The following DNAH6 variants were observed in gnomAD, a reference collection of about 807,000 sequenced individuals.
The protein encoded by DNAH6 is axonemal beta dynein heavy chain 6.
Under a neutral mutation model 491.4 loss-of-function variants are expected in DNAH6, and 340 were observed. That is an observed-to-expected ratio of 0.69 (90% CI 0.63 to 0.76). The LOEUF is 0.76. DNAH6 is among the 30% of genes least tolerant of loss of function. The pLI is 0.00. For synonymous variants in DNAH6, 1,603 were observed against 1,686.1 expected, an observed-to-expected ratio of 0.95 and a Z score of 1.21; for missense variants, 4,443 against 4,972.2, an observed-to-expected ratio of 0.89 and a Z score of 3.20.
At chr2:84,610,241 A>G (rs985827419) in intron 21 of DNAH6, among the ~76,000 whole-genome samples, 7 of 152,198 alleles carry the variant, frequency 4.6e-5, no homozygotes, top group Non-Finnish European at 8.8e-5. Context: ...CTTCCCCAAC[A>G]TGACCATTGG....
At chr2:84,764,873 T>G (rs1479782417) in intron 64 of DNAH6, among the ~76,000 whole-genome samples, 1 of 152,108 alleles carries the variant, frequency 6.6e-6, no homozygotes, top group Non-Finnish European at 1.5e-5. Flanking sequence ...CTACTGTGAA[T>G]AGTGTCAAGA....
intron 62 of DNAH6, among the ~76,000 whole-genome samples, chr2:84,737,456 T>G (rs1180021748): frequency 6.6e-6 from 1 of 151,924 alleles, no homozygotes; most frequent in Non-Finnish European, 1.5e-5. Flanking sequence ...GGCTTTTTTT[T>G]CCGTTAGTTG....
intron 11 of DNAH6, among the ~76,000 whole-genome samples, chr2:84,564,185 T>C (rs1473042795): frequency 1.3e-5 from 2 of 152,332 alleles, no homozygotes; most frequent in East Asian, 3.9e-4. Context: ...GTTGGCTCTT[T>C]TTTGGTTCCA....
At chr2:84,603,688 G>A (rs1685485100) in intron 18 of DNAH6, among the ~76,000 whole-genome samples, 1 of 152,018 alleles carries the variant, frequency 6.6e-6, no homozygotes, top group South Asian at 2.1e-4. Flanking sequence ...CTCCCTCAAG[G>A]GTAAATTGTT....
chr2:84,685,439 C>A lies in DNAH6; in HGVS notation c.7030C>A (p.His2344Asn), dbSNP rs777074808. The A allele has an allele frequency of 6.0e-6, 9 of 1,504,222 alleles. No individual in the cohort carries two copies. In the South Asian group the frequency reaches 1.2e-4, roughly 20 times the overall value. 93.2% of individuals were successfully genotyped at this position (1,504,222 alleles called of 1,614,324 possible). A position where few individuals can be genotyped will look rare whatever the true frequency, so the allele number is the denominator to read the frequency against. Residue 2344 changes from histidine (H) to asparagine (N), a missense_variant, in exon 43 of 77, where the codon CAC becomes AAC. Physicochemically the swap from His to Asn is moderately conservative, Grantham distance 68. Coordinates refer to ENST00000389394, the MANE Select transcript of DNAH6 (RefSeq NM_001370.2). ...TCGCTTGATTAATAATGAAGATAAGCACTATTTCCATGTTATTCTGACAGA... is the reference window on the plus strand; with the variant it reads ...TCGCTTGATTAATAATGAAGATAAGAACTATTTCCATGTTATTCTGACAGA... ...HDRLINNEDKHYFHVILTEMA... is the reference protein window; with the variant it reads ...HDRLINNEDKNYFHVILTEMA...
chr2:84,480,062 A>G, the DNAH6 span, among the ~76,000 whole-genome samples: 1 of 152,212 alleles, frequency 6.6e-6, no homozygotes, highest in Non-Finnish European at 1.5e-5. Context: ...GCCATTCTGC[A>G]ACATTGTCTA....
chr2:84,637,568 A>C (rs1689001454), intron 31 of DNAH6, among the ~76,000 whole-genome samples, 191 bp downstream of exon 31: 1 of 152,210 alleles, frequency 6.6e-6, no homozygotes, highest in Non-Finnish European at 1.5e-5. Flanking sequence ...TATAGCCATA[A>C]TACCCAAAAT....
intron 4 of DNAH6, among the ~76,000 whole-genome samples, chr2:84,533,157 C>T (rs1487973915): frequency 6.6e-6 from 1 of 152,014 alleles, no homozygotes; most frequent in Non-Finnish European, 1.5e-5. Flanking sequence ...AAGGCTTTGC[C>T]CTGCTCAGAG....
At chr2:84,607,840 A>G (rs1010694323) in intron 21 of DNAH6, among the ~76,000 whole-genome samples, 1 of 152,138 alleles carries the variant, frequency 6.6e-6, no homozygotes, top group Non-Finnish European at 1.5e-5. Context: ...AAAACAAGAC[A>G]ACAATGAAGT....
chr2:84,595,490 C>G (rs141447230), intron 17 of DNAH6, among the ~76,000 whole-genome samples, 156 bp from the exon 18 acceptor site: 11 of 152,206 alleles, frequency 7.2e-5, no homozygotes, highest in African/African-American at 2.4e-4. Flanking sequence ...ACAGGTGATG[C>G]TGGATATATA....
chr2:84,741,458 C>T (rs1407532527), intron 62 of DNAH6, among the ~76,000 whole-genome samples: 1 of 152,062 alleles, frequency 6.6e-6, no homozygotes, highest in African/African-American at 2.4e-5. Context: ...GAGGCTACAG[C>T]CACATCAGCC....
the DNAH6 span, among the ~76,000 whole-genome samples, chr2:84,494,189 C>T: frequency 2.0e-5 from 3 of 152,334 alleles, no homozygotes; most frequent in East Asian, 5.8e-4. Flanking sequence ...CAAAAAACCT[C>T]AGCCCAGGAC....
intron 37 of DNAH6, among the ~76,000 whole-genome samples, chr2:84,664,349 G>A (rs1382574406): frequency 6.6e-6 from 1 of 152,018 alleles, no homozygotes; most frequent in Non-Finnish European, 1.5e-5. Context: ...GTATTCAGGA[G>A]ACCCATCTCA....
At chr2:84,625,183 G>A (rs1233369653) in intron 29 of DNAH6, 120 bp downstream of exon 29, 5 of 908,550 alleles carry the variant, frequency 5.5e-6, no homozygotes, top group Non-Finnish European at 6.2e-6. Context: ...AAAGAAATGG[G>A]GTAAATAATG....
At chr2:84,504,914 C>T in the DNAH6 span, among the ~76,000 whole-genome samples, 2 of 152,092 alleles carry the variant, frequency 1.3e-5, no homozygotes, top group African/African-American at 2.4e-5. Flanking sequence ...GTAGTTTGGA[C>T]AGGGATTGTA....
chr2:84,622,266 G>C (rs556123605), intron 26 of DNAH6, among the ~76,000 whole-genome samples: 1 of 151,932 alleles, frequency 6.6e-6, no homozygotes, highest in East Asian at 1.9e-4. Flanking sequence ...ACATGTTATG[G>C]GATTTCCTTT....
At chr2:84,469,462 T>C in the DNAH6 span, among the ~76,000 whole-genome samples, 1 of 152,210 alleles carries the variant, frequency 6.6e-6, no homozygotes, top group South Asian at 2.1e-4. This position sits in a 1 kb window ranked among gnomAD's most constrained non-coding sequence, Gnocchi z 4.0. Flanking sequence ...TCATCTTTAA[T>C]CCAACCTCTG....
At chr2:84,547,179 C>T (rs1678867682) in intron 5 of DNAH6, 89 bp from the exon 6 acceptor site, 1 of 1,150,926 alleles carries the variant, frequency 8.7e-7, no homozygotes, top group African/African-American at 1.6e-5. Context: ...TGTTTATTAT[C>T]CTTAATAACT....
At chr2:84,777,807 A>C in intron 64 of DNAH6, 1 of 1,139,190 alleles carries the variant, frequency 8.8e-7, no homozygotes, top group Admixed American at 1.7e-5. Flanking sequence ...CTTATCTTCC[A>C]AGCCACATAG....
Sources: gnomAD v4.1 joint callset for allele counts (sites outside exome capture counted in the v4.1 genomes callset) on GRCh38, gnomAD v4.1.1 for gene constraint, Gnocchi (gnomAD v3.1) non-coding constraint, MANE v1.5 for transcripts, NCBI Gene and HGNC (gene_info 2026-07-23, HGNC 2026-07-21) for gene names.